The following PRELID2 variants were observed in gnomAD, a reference collection of about 807,000 sequenced individuals.
The protein encoded by PRELID2 is PRELI domain-containing protein 2.
PRELID2 carries 25 observed loss-of-function variants against 28.4 expected under a neutral mutation model. The ratio of observed to expected loss-of-function variants is 0.88; its 90% confidence interval spans 0.64 to 1.23. PRELID2 has a LOEUF of 1.23. Among genes scored for constraint, PRELID2 ranks in the 50% most tolerant of loss-of-function variants. The pLI, the probability that PRELID2 is intolerant of heterozygous loss-of-function variation, is 0.00. For synonymous variants in PRELID2, 76 were observed against 71.6 expected (o/e 1.06, Z -0.31); for missense variants, 201 against 214.4 (o/e 0.94, Z 0.39).
intron 1 of PRELID2, among the ~76,000 whole-genome samples, chr5:145,708,587 T>C (rs942613309): frequency 2.6e-5 from 4 of 152,192 alleles, no homozygotes; most frequent in African/African-American, 7.2e-5. Flanking sequence ...CAAAGACATA[T>C]AAATTAAACA....
At chr5:145,356,192 T>C in the PRELID2 span, among the ~76,000 whole-genome samples, 1 of 152,166 alleles carries the variant, frequency 6.6e-6, no homozygotes, top group Non-Finnish European at 1.5e-5. Flanking sequence ...AAATATTTTA[T>C]AAACACACTC....
chr5:145,391,272 G>A, the PRELID2 span, among the ~76,000 whole-genome samples: 1 of 152,294 alleles, frequency 6.6e-6, no homozygotes, highest in South Asian at 2.1e-4. Context: ...AAATCTAAAT[G>A]GAGGTTCCCA....
At chr5:145,445,873 T>C in the PRELID2 span, among the ~76,000 whole-genome samples, 2 of 151,658 alleles carry the variant, frequency 1.3e-5, no homozygotes, top group Non-Finnish European at 2.9e-5. Flanking sequence ...CAAATGCTGG[T>C]GGGGATATGG....
chr5:145,668,526 A>G (rs1287370649), intron 1 of PRELID2, among the ~76,000 whole-genome samples: 1 of 152,096 alleles, frequency 6.6e-6, no homozygotes, highest in East Asian at 1.9e-4. Flanking sequence ...GCCATATGTA[A>G]TCACAGTCCA....
At chr5:145,370,050 G>T in the PRELID2 span, among the ~76,000 whole-genome samples, 4 of 151,808 alleles carry the variant, frequency 2.6e-5, no homozygotes, top group Non-Finnish European at 5.9e-5. Flanking sequence ...GATTGCAAAA[G>T]TTTTCTCCCA....
At chr5:145,372,887 TTA>T in the PRELID2 span, among the ~76,000 whole-genome samples, 3 of 95,948 alleles carry the variant, frequency 3.1e-5, no homozygotes, top group Non-Finnish European at 6.2e-5. Context: ...ATATATGATA[TTA>T]TATATTACAA....
the PRELID2 span, among the ~76,000 whole-genome samples, chr5:145,245,393 G>T: frequency 2.4e-4 from 36 of 151,956 alleles, no homozygotes; most frequent in African/African-American, 8.0e-4. Context: ...GAGAAAGTGA[G>T]CGGGTAGAAA....
At chr5:145,691,431 C>T (rs540799857) in intron 1 of PRELID2, among the ~76,000 whole-genome samples, 2 of 152,200 alleles carry the variant, frequency 1.3e-5, no homozygotes, top group African/African-American at 2.4e-5. Flanking sequence ...CTCGGCCGGG[C>T]GTGGTGGCTC....
chr5:145,808,534 T>C (rs747379463), intron 4 of PRELID2, among the ~76,000 whole-genome samples: 20 of 152,132 alleles, frequency 1.3e-4, no homozygotes, highest in Non-Finnish European at 2.2e-4. Flanking sequence ...TCCATATCTA[T>C]TAGAGAGTGA....
chr5:145,460,118 A>G, the PRELID2 span, among the ~76,000 whole-genome samples: 2 of 152,148 alleles, frequency 1.3e-5, no homozygotes, highest in African/African-American at 2.4e-5. Flanking sequence ...CTGTTAGTTC[A>G]GCAACATAAA....
At chr5:145,298,504 T>G in the PRELID2 span, among the ~76,000 whole-genome samples, 1 of 152,138 alleles carries the variant, frequency 6.6e-6, no homozygotes, top group Admixed American at 6.6e-5. Context: ...TTGTAGCAGT[T>G]TTAAGAGGAG....
intron 1 of PRELID2, among the ~76,000 whole-genome samples, chr5:145,558,363 T>A (rs906277933): frequency 6.6e-6 from 1 of 152,224 alleles, no homozygotes; most frequent in Admixed American, 6.5e-5. Context: ...AATGGTTCAT[T>A]ACCAGTGATT....
the PRELID2 span, among the ~76,000 whole-genome samples, chr5:145,329,956 C>T: frequency 6.6e-6 from 1 of 152,170 alleles, no homozygotes; most frequent in African/African-American, 2.4e-5. Context: ...TACGTTCCAT[C>T]AATACCTAGT....
chr5:145,524,729 T>C (rs1227664265), intron 1 of PRELID2, among the ~76,000 whole-genome samples: 2 of 152,150 alleles, frequency 1.3e-5, no homozygotes, highest in African/African-American at 4.8e-5. Flanking sequence ...CCAATCCAAG[T>C]TACCTGGAAT....
chr5:145,469,216 A>G (rs1156858318), downstream of PRELID2, among the ~76,000 whole-genome samples: 1 of 152,100 alleles, frequency 6.6e-6, no homozygotes, highest in Non-Finnish European at 1.5e-5. Flanking sequence ...CTGATTCAAT[A>G]TAACATTTTG....
chr5:145,832,634 G>C lies in PRELID2; in HGVS notation c.75+2543C>G, dbSNP rs148471273. ...TCCTACCTGCTAGCTGTGGGAACTT[G>C]AGGAAGGCACTTGGACTTCTCTGGT... On this transcript the variant is annotated intron_variant, in intron 1 of 6. Transcript: ENST00000683046. 5.2e-3 allele frequency among the ~76,000 whole-genome samples: 791 copies of C among 152,290 alleles called. 12 individuals are homozygous for C. Among genetic ancestry groups the C allele is most frequent in the African/African-American group, 0.018 (740 of 41,548 alleles).
the PRELID2 span, among the ~76,000 whole-genome samples, chr5:145,459,984 T>A: frequency 6.6e-6 from 1 of 152,050 alleles, no homozygotes; most frequent in Admixed American, 6.6e-5. Context: ...CTAATTTTTG[T>A]ATTTTTAGTA....
chr5:145,791,914 G>C (rs1752421509), intron 5 of PRELID2, among the ~76,000 whole-genome samples: 1 of 152,140 alleles, frequency 6.6e-6, no homozygotes, highest in Non-Finnish European at 1.5e-5. Context: ...AGGCACTGTG[G>C]AGTTTAGGTC....
the PRELID2 span, among the ~76,000 whole-genome samples, chr5:145,289,528 T>C: frequency 6.6e-6 from 1 of 152,170 alleles, no homozygotes; most frequent in African/African-American, 2.4e-5. Flanking sequence ...CTTCCAGTTT[T>C]TGGTGATTTT....
Sources: allele counts gnomAD v4.1 joint callset (sites outside exome capture counted in the v4.1 genomes callset), GRCh38; gene constraint gnomAD v4.1.1; transcripts MANE v1.5; gene names NCBI Gene and HGNC (gene_info 2026-07-23, HGNC 2026-07-21).